Variants in ZC3H14 observed in about 807,000 individuals in gnomAD.
ZC3H14 encodes the protein zinc finger CCCH domain-containing protein 14.
In ZC3H14, 31 loss-of-function variants were observed where a neutral mutation model predicts 92.4. That is an observed-to-expected ratio of 0.34 (90% CI 0.25 to 0.45). ZC3H14 has a LOEUF of 0.45. Ranked by LOEUF, ZC3H14 falls within the 20% of genes least tolerant of loss-of-function variation. ZC3H14 has a pLI of 1.00. For missense variants in ZC3H14, 781 were observed against 897.3 expected, an observed-to-expected ratio of 0.87 and a Z score of 1.66; for synonymous variants, 321 against 300.9, an observed-to-expected ratio of 1.07 and a Z score of -0.69.
intron 9 of ZC3H14, among the ~76,000 whole-genome samples, chr14:88,579,261 G>T (rs2081582207): frequency 6.6e-6 from 1 of 151,900 alleles, no homozygotes; most frequent in African/African-American, 2.4e-5. Context: ...AAAAATTTTT[G>T]ACTGTATTGT....
chr14:88,570,980 T>A lies in ZC3H14; in HGVS notation c.195-104T>A, dbSNP rs1354964968. On this transcript the variant is annotated intron_variant, in intron 3 of 16. Coordinates refer to ENST00000251038, the MANE Select transcript of ZC3H14 (RefSeq NM_024824.5). ...AAAAATAATAAAAATATAAAAAAAT[T>A]TAAAAAATTATCTCTGAATATAATG... The A allele has an allele frequency of 4.7e-5, 43 of 922,886 alleles. No homozygotes were observed. In the East Asian group the frequency reaches 1.0e-3, roughly 22 times the overall value. The allele number at this position is 922,886 out of a possible 1,614,324, so 57.2% of individuals were successfully genotyped here. A position where few individuals can be genotyped will look rare whatever the true frequency, so the allele number is the denominator to read the frequency against.
At chr14:88,582,947 T>A (rs1422786632) in intron 9 of ZC3H14, among the ~76,000 whole-genome samples, 9 of 152,140 alleles carry the variant, frequency 5.9e-5, no homozygotes, top group Non-Finnish European at 1.0e-4. Flanking sequence ...TTCTCTGGTG[T>A]CTTTATTTTT....
chr14:88,606,747 TAAAAAA>T lies in ZC3H14; in HGVS notation c.1748-478_1748-473del, dbSNP rs34408574. Among the ~76,000 whole-genome samples, 432 of 95,876 alleles carry T rather than the reference TAAAAAA, an allele frequency of 4.5e-3. 1 individual carries two copies. The highest frequency in any genetic ancestry group is 6.5e-3 in the Non-Finnish European group (335 of 51,376). 62.9% of individuals were successfully genotyped at this position (95,876 alleles called of 152,430 possible). ...TGGGTGACAGAGCAGGACCCTGTCG[TAAAAAA>T]AAAAAAAAAAAAAAAAAGTAAAAGA... On this transcript the variant is annotated intron_variant, in intron 12 of 16. Coordinates refer to ENST00000251038, the MANE Select transcript of ZC3H14 (RefSeq NM_024824.5).
chr14:88,601,642 A>G (rs1217697059), intron 10 of ZC3H14, among the ~76,000 whole-genome samples: 3 of 152,168 alleles, frequency 2.0e-5, no homozygotes, highest in Non-Finnish European at 4.4e-5. Flanking sequence ...TATATTGTTA[A>G]TATCTGTTGA....
chr14:88,600,550 T>C (rs10134347), intron 10 of ZC3H14, among the ~76,000 whole-genome samples: 26,644 of 151,816 alleles, frequency 0.18, 2,591 homozygotes, highest in East Asian at 0.38. Flanking sequence ...CAAGCACTTC[T>C]CCCACCTCAG....
In ZC3H14 at chr14:88,609,727, C is replaced by T. The variant is rs2086231126; in HGVS notation, c.2021C>T (p.Ala674Val). 2 of 1,614,170 alleles carry T rather than the reference C, an allele frequency of 1.2e-6. No homozygotes were observed. Among genetic ancestry groups the T allele is most frequent in the Non-Finnish European group, 1.7e-6 (2 of 1,180,012 alleles). Reference sequence around the variant, plus strand: ...ATTTTGTTAGCAGTTGCACCACCAGCACCACCTTCCAGTAGTCAGCTCTGC... The same window carrying T: ...ATTTTGTTAGCAGTTGCACCACCAGTACCACCTTCCAGTAGTCAGCTCTGC... ...LSPKPAVAPP[A>V]PPSSSQLCRY... Residue 674 changes from alanine to valine, a missense_variant, in exon 15 of 17, where the codon GCA becomes GTA. This residue lies in a region of ZC3H14 where 221 missense variants were observed against 304.7 expected (regional missense o/e 0.73). Transcript: ENST00000251038.
chr14:88,571,827 C>T (rs2080442689), intron 4 of ZC3H14, among the ~76,000 whole-genome samples: 1 of 151,850 alleles, frequency 6.6e-6, no homozygotes, highest in South Asian at 2.1e-4. Flanking sequence ...AGCCAGGCAT[C>T]GTGGCACATG....
At chr14:88,607,636 A>ACCATCTCCCCATCTCACCCT (rs2085690931) in intron 13 of ZC3H14, among the ~76,000 whole-genome samples, 2 of 89,912 alleles carry the variant, frequency 2.2e-5, no homozygotes, top group Non-Finnish European at 4.3e-5. Flanking sequence ...CCTGCAAGTG[A>ACCATCTCCCCATCTCACCCT]GTACCATCCC....
chr14:88,581,270 C>CT lies in ZC3H14; in HGVS notation c.1279+3132dup, dbSNP rs546411617. Among the ~76,000 whole-genome samples the CT allele has an allele frequency of 1.9e-3, 296 of 152,220 alleles. 2 individuals carry two copies. Among genetic ancestry groups the CT allele is most frequent in the Middle Eastern group, 0.01 (3 of 292 alleles). ...AATACTTCCTATTTAAAAAACTAGG[C>CT]TTCTTGGGCTGGGTGCAGTTGCTCA... On this transcript the variant is annotated intron_variant, in intron 9 of 16. Transcript: ENST00000251038.
In ZC3H14 at chr14:88,610,839, T is replaced by C. The variant is rs1442906254; in HGVS notation, c.2103T>C (p.Cys701=). Residue 701 remains cysteine (C), a synonymous_variant, in exon 16 of 17, where the codon TGT becomes TGC. Coordinates refer to ENST00000251038, the MANE Select transcript of ZC3H14 (RefSeq NM_024824.5). ...MECPFYHPKH[C]RFNTQCTRPD... ...GCTCTGTTATCTCTATTCAGCATTG[T>C]AGGTTTAACACTCAATGTACAAGAC... 2 of 1,613,582 alleles carry C rather than the reference T, an allele frequency of 1.2e-6. No homozygotes were observed. The highest frequency in any genetic ancestry group is 2.7e-5 in the African/African-American group (2 of 74,908).
rs549174529 is a variant in ZC3H14, at chr14:88,587,804, A to G, written c.1280-8930A>G. Among the ~76,000 whole-genome samples the G allele has an allele frequency of 8.6e-5, 13 of 152,036 alleles. No individual in the cohort carries two copies. The East Asian group carries it at 2.5e-3, about 30-fold the overall frequency. ...TATATATATATTTTAATGTTTTTTA[A>G]TTAGCTGGGTGTGATGATGTGCACC... On this transcript the variant is annotated intron_variant, in intron 9 of 16. Transcript: ENST00000251038.
At chr14:88,603,750 CAATCTT>C (rs1251441163) in intron 12 of ZC3H14, among the ~76,000 whole-genome samples, 1 of 152,132 alleles carries the variant, frequency 6.6e-6, no homozygotes, top group Non-Finnish European at 1.5e-5. Context: ...GATAATTACT[CAATCTT>C]AAAAGCGTAC....
chr14:88,601,730 G>C (rs373829272), intron 10 of ZC3H14, among the ~76,000 whole-genome samples, 194 bp from the exon 11 acceptor site: 2 of 152,340 alleles, frequency 1.3e-5, no homozygotes, highest in East Asian at 3.9e-4. Context: ...CCCTACGCGA[G>C]AAGGACTCCT....
At chr14:88,573,304 T>C (rs954932081) in intron 6 of ZC3H14, among the ~76,000 whole-genome samples, 1 of 151,836 alleles carries the variant, frequency 6.6e-6, no homozygotes, top group Non-Finnish European at 1.5e-5. Flanking sequence ...GGCGTGAACC[T>C]GGGAGGCGGA....
intron 9 of ZC3H14, among the ~76,000 whole-genome samples, chr14:88,596,508 A>T (rs2083841450): frequency 6.6e-6 from 1 of 152,172 alleles, no homozygotes; most frequent in African/African-American, 2.4e-5. Flanking sequence ...ATAGAGGGAG[A>T]ACCAGGAGTG....
chr14:88,577,451 T>C (rs1484723283), intron 8 of ZC3H14, among the ~76,000 whole-genome samples: 1 of 152,240 alleles, frequency 6.6e-6, no homozygotes, highest in Admixed American at 6.5e-5. Context: ...TATGTGGTTG[T>C]ATGGATATTG....
At chr14:88,584,054 A>G (rs1484377571) in intron 9 of ZC3H14, among the ~76,000 whole-genome samples, 1 of 107,582 alleles carries the variant, frequency 9.3e-6, no homozygotes, top group Non-Finnish European at 2.4e-5. Context: ...ATCTTGATTT[A>G]TGACCCTCTG....
rs545907626 is a variant in ZC3H14 at position 88,598,639 on chromosome 14, A to G, written c.1354+1831A>G. On this transcript the variant is annotated intron_variant, in intron 10 of 16. Transcript: ENST00000251038. ...TGCCTTTAAAAATTTTTAACAGTGT[A>G]CCTTCAGGTGATTTTGTCGTAGCAT... Among the ~76,000 whole-genome samples the G allele has an allele frequency of 4.6e-5, 7 of 152,310 alleles. No individual in the cohort carries two copies. In the East Asian group the frequency reaches 9.7e-4, roughly 21 times the overall value.
In ZC3H14 at chr14:88,616,656, G is replaced by A. The variant is rs1238175881; in HGVS notation, c.*4905G>A. On this transcript the variant is annotated 3_prime_UTR_variant, in exon 17 of 17. Transcript: ENST00000251038. Reference sequence around the variant, plus strand: ...AGGACAAAACATTTTAAATATATGGGGAAAAGTGCTGATGATAAGACATCA... The same window carrying A: ...AGGACAAAACATTTTAAATATATGGAGAAAAGTGCTGATGATAAGACATCA... The A allele has an allele frequency of 8.0e-6, 11 of 1,383,398 alleles. No homozygotes were observed. The highest frequency in any genetic ancestry group is 2.9e-5 in the African/African-American group (2 of 69,002). 85.7% of individuals were successfully genotyped at this position (1,383,398 alleles called of 1,614,324 possible).
Sources: gnomAD v4.1 joint callset for allele counts (sites outside exome capture counted in the v4.1 genomes callset) on GRCh38, gnomAD v4.1.1 for gene constraint, gnomAD v4.1.1 regional missense constraint, MANE v1.5 for transcripts, NCBI Gene and HGNC (gene_info 2026-07-23, HGNC 2026-07-21) for gene names.